Variants in GLRA1 observed in about 807,000 individuals in gnomAD.
GLRA1 encodes glycine receptor subunit alpha-1.
Under a neutral mutation model 48.3 loss-of-function variants are expected in GLRA1, and 37 were observed. The observed-to-expected ratio is 0.77, with a 90% CI of 0.59 to 1.01. GLRA1 has a LOEUF of 1.01. Ranked by LOEUF, GLRA1 falls within the 50% of genes least tolerant of loss-of-function variation. The pLI, the probability that GLRA1 is intolerant of heterozygous loss-of-function variation, is 0.00. For missense variants in GLRA1, 427 were observed against 571.0 expected, an observed-to-expected ratio of 0.75 and a Z score of 2.57; for synonymous variants, 196 against 210.7, an observed-to-expected ratio of 0.93 and a Z score of 0.60.
At chr5:151,867,312 G>A (rs1753363229) in intron 3 of GLRA1, among the ~76,000 whole-genome samples, 1 of 152,016 alleles carries the variant, frequency 6.6e-6, no homozygotes, top group Non-Finnish European at 1.5e-5. Context: ...AACAGTATCT[G>A]GTTTCACCTG....
intron 2 of GLRA1, 134 bp from the exon 3 acceptor site, chr5:151,886,922 ACC>A: frequency 2.8e-6 from 2 of 720,204 alleles, no homozygotes; most frequent in South Asian, 1.5e-5. Flanking sequence ...TCTCCACCCC[ACC>A]CCCAAGCACC....
chr5:151,891,578 G>A (rs1754070192), intron 2 of GLRA1, among the ~76,000 whole-genome samples: 1 of 152,118 alleles, frequency 6.6e-6, no homozygotes, highest in South Asian at 2.1e-4. Flanking sequence ...CCCTGTAGAG[G>A]AGCCTGTACC....
chr5:151,850,724 T>G (rs1328848273), intron 7 of GLRA1: 1 of 1,087,152 alleles, frequency 9.2e-7, no homozygotes, highest in East Asian at 2.4e-5. Flanking sequence ...CCCTTTTCGG[T>G]GACAGAAGCC....
intron 3 of GLRA1, 42 bp from the exon 4 acceptor site, chr5:151,860,050 A>G: frequency 6.7e-7 from 1 of 1,481,560 alleles, no homozygotes; most frequent in Non-Finnish European, 9.4e-7. Flanking sequence ...TGTTAGGCCC[A>G]AGGACATCAA....
intron 1 of GLRA1, 93 bp downstream of exon 1, chr5:151,924,401 T>A (rs1489136665): frequency 1.2e-6 from 1 of 840,734 alleles, no homozygotes; most frequent in Non-Finnish European, 2.1e-6. Flanking sequence ...GCACCCCTCT[T>A]CCCCAAAATG....
chr5:151,828,220 G>A (rs1763328693), intron 8 of GLRA1, among the ~76,000 whole-genome samples: 1 of 152,164 alleles, frequency 6.6e-6, no homozygotes, highest in Non-Finnish European at 1.5e-5. Context: ...TTAAAATCCT[G>A]TGTGTATGTT....
chr5:151,924,670 G>T lies in GLRA1; in HGVS notation c.-121C>A. Reference sequence around the variant, plus strand: ...AATCCAGATGTTAAAGGGAGGCGGGGAACAGGGGCGCGGAGGGAGAGCCCC... The same window carrying T: ...AATCCAGATGTTAAAGGGAGGCGGGTAACAGGGGCGCGGAGGGAGAGCCCC... On this transcript the variant is annotated 5_prime_UTR_variant, in exon 1 of 9. Coordinates refer to ENST00000274576, the MANE Select transcript of GLRA1 (RefSeq NM_000171.4). The T allele has an allele frequency of 1.3e-6, 1 of 768,046 alleles. No individual in the cohort carries two copies. The allele number at this position is 768,046 out of a possible 1,614,324, so 47.6% of individuals were successfully genotyped here. A position where few individuals can be genotyped will look rare whatever the true frequency, so the allele number is the denominator to read the frequency against.
intron 2 of GLRA1, among the ~76,000 whole-genome samples, chr5:151,887,028 G>A (rs1350465325): frequency 6.6e-6 from 1 of 152,218 alleles, no homozygotes; most frequent in Non-Finnish European, 1.5e-5. Context: ...GAGCTGAGAT[G>A]TACTTTCATT....
chr5:151,897,367 G>T (rs1038673443), intron 1 of GLRA1, among the ~76,000 whole-genome samples: 1 of 152,124 alleles, frequency 6.6e-6, no homozygotes, highest in Non-Finnish European at 1.5e-5. Flanking sequence ...TGAGCTGCTG[G>T]ACAGAGGAGC....
rs191857483 is a variant in GLRA1, at chr5:151,920,109, A to C, written c.56+4385T>G. The stretch of plus-strand genomic sequence containing the variant: ...CAGAGTGTTTAGTTTTAGACTGGAC[A>C]CATAAGCACATGATAAACAAGTTCC... On this transcript the variant is annotated intron_variant, in intron 1 of 8. Coordinates refer to ENST00000274576, the MANE Select transcript of GLRA1 (RefSeq NM_000171.4). Among the ~76,000 whole-genome samples the C allele has an allele frequency of 4.6e-5, 7 of 152,384 alleles. No individual in the cohort carries two copies. In the East Asian group the frequency reaches 1.3e-3, roughly 29 times the overall value.
At chr5:151,878,518 G>A (rs1261349698) in intron 3 of GLRA1, among the ~76,000 whole-genome samples, 3 of 152,150 alleles carry the variant, frequency 2.0e-5, no homozygotes, top group African/African-American at 7.2e-5. Flanking sequence ...AAATGTCTCC[G>A]GAGCATGTCA....
intron 2 of GLRA1, among the ~76,000 whole-genome samples, chr5:151,890,961 C>T (rs981514018): frequency 1.3e-5 from 2 of 152,224 alleles, no homozygotes; most frequent in African/African-American, 4.8e-5. Flanking sequence ...TCTCTCAGAA[C>T]ATTTTCTATT....
At chr5:151,873,631 A>C (rs1196503302) in intron 3 of GLRA1, among the ~76,000 whole-genome samples, 1 of 150,058 alleles carries the variant, frequency 6.7e-6, no homozygotes, top group Non-Finnish European at 1.5e-5. Context: ...ACGCCACTGC[A>C]CTCCAACCTG....
At chr5:151,898,886 A>C (rs893924484) in intron 1 of GLRA1, among the ~76,000 whole-genome samples, 1 of 152,200 alleles carries the variant, frequency 6.6e-6, no homozygotes, top group Non-Finnish European at 1.5e-5. Context: ...GGAGAAAATG[A>C]CTTTTTAAAT....
chr5:151,917,280 A>G (rs1348986752), intron 1 of GLRA1, among the ~76,000 whole-genome samples: 1 of 152,198 alleles, frequency 6.6e-6, no homozygotes, highest in Non-Finnish European at 1.5e-5. Flanking sequence ...CAGAATCTGC[A>G]TCTTAGCAGA....
At chr5:151,861,286 C>G (rs1753197470) in intron 3 of GLRA1, among the ~76,000 whole-genome samples, 1 of 152,180 alleles carries the variant, frequency 6.6e-6, no homozygotes. Flanking sequence ...GTTCTAGATC[C>G]TTGAGGAATC....
intron 1 of GLRA1, among the ~76,000 whole-genome samples, chr5:151,923,516 T>A (rs1754929648): frequency 6.6e-6 from 1 of 152,142 alleles, no homozygotes; most frequent in South Asian, 2.1e-4. Context: ...AAGAATAATG[T>A]TTTTCAATTC....
intron 3 of GLRA1, among the ~76,000 whole-genome samples, chr5:151,871,414 T>TA (rs1262042851): frequency 6.7e-6 from 1 of 149,494 alleles, no homozygotes; most frequent in Non-Finnish European, 1.5e-5. Flanking sequence ...TGTATATATT[T>TA]AAAAAAATCA....
intron 3 of GLRA1, among the ~76,000 whole-genome samples, chr5:151,877,829 C>A (rs1167547357): frequency 1.3e-5 from 2 of 152,188 alleles, no homozygotes; most frequent in Admixed American, 1.3e-4. Flanking sequence ...AACTGTAAGT[C>A]CAATAAAGGT....
Sources: gnomAD v4.1 joint callset for allele counts (sites outside exome capture counted in the v4.1 genomes callset) on GRCh38, gnomAD v4.1.1 for gene constraint, MANE v1.5 for transcripts, NCBI Gene and HGNC (gene_info 2026-07-23, HGNC 2026-07-21) for gene names.